The following FBLN5 variants were observed in gnomAD, a reference collection of about 807,000 sequenced individuals.
The protein encoded by FBLN5 is fibulin 5.
Under a neutral mutation model 61.6 loss-of-function variants are expected in FBLN5, and 24 were observed. The ratio of observed to expected loss-of-function variants is 0.39; its 90% confidence interval spans 0.28 to 0.55. The LOEUF is 0.55. Among genes scored for constraint, FBLN5 ranks in the 20% least tolerant of loss-of-function variants. The pLI, the probability that FBLN5 is intolerant of heterozygous loss-of-function variation, is 0.65. For missense variants in FBLN5, 470 were observed against 594.1 expected, an observed-to-expected ratio of 0.79 and a Z score of 2.17; for synonymous variants, 213 against 219.8, an observed-to-expected ratio of 0.97 and a Z score of 0.27.
At chr14:91,875,701 G>A (rs1889133042) in intron 10 of FBLN5, among the ~76,000 whole-genome samples, 1 of 152,124 alleles carries the variant, frequency 6.6e-6, no homozygotes, top group Non-Finnish European at 1.5e-5. Context: ...GAGGAGCCAG[G>A]GCCAGCACTA....
In FBLN5 at chr14:91,943,272, G is replaced by T. The variant is rs896868775; in HGVS notation, c.18-311C>A. 9.2e-5 allele frequency among the ~76,000 whole-genome samples: 14 copies of T among 152,098 alleles called. No individual in the cohort carries two copies. The highest frequency in any genetic ancestry group is 3.1e-4 in the African/African-American group (13 of 41,408). On this transcript the variant is annotated intron_variant, in intron 1 of 10. Transcript: ENST00000342058. This position sits in a 1 kb window ranked among gnomAD's most constrained non-coding sequence, Gnocchi z 4.0. The stretch of plus-strand genomic sequence containing the variant: ...GCTTGTAATCCCAGCACTTTGAGAG[G>T]CTGAGGCAAGAGGATTGCTTGAACC...
intron 10 of FBLN5, among the ~76,000 whole-genome samples, chr14:91,872,632 C>T (rs1888993564): frequency 6.6e-6 from 1 of 152,188 alleles, no homozygotes; most frequent in Non-Finnish European, 1.5e-5. Flanking sequence ...TGGGACCTCC[C>T]CTATCCATGA....
Position 91,937,148 on chromosome 14 carries a change from C to T in FBLN5, c.178G>A (p.Val60Ile). 1 of 1,614,136 alleles carries T rather than the reference C, an allele frequency of 6.2e-7. No individual in the cohort carries two copies. Among genetic ancestry groups the T allele is most frequent in the Non-Finnish European group, 8.5e-7 (1 of 1,180,038 alleles). Residue 60 changes from valine (V) to isoleucine (I), a missense_variant, in exon 4 of 11, where the codon GTT becomes ATT. By Grantham distance (29) the Val-to-Ile change is conservative. Coordinates refer to ENST00000342058, the MANE Select transcript of FBLN5 (RefSeq NM_006329.4). ...PEACRGDMMCVNQNGGYLCIP... is the reference protein window; with the variant it reads ...PEACRGDMMCINQNGGYLCIP... ...CATAAATACCCGCCATTTTGGTTAA[C>T]ACACATCATGTCTCCTCGGCAGGCC...
chr14:91,906,995 G>A lies in FBLN5; in HGVS notation c.380-11923C>T, dbSNP rs145016885. Among the ~76,000 whole-genome samples, 337 of 152,302 alleles carry A rather than the reference G, an allele frequency of 2.2e-3. 1 individual carries two copies. Among genetic ancestry groups the A allele is most frequent in the Middle Eastern group, 6.8e-3 (2 of 294 alleles). On this transcript the variant is annotated intron_variant, in intron 4 of 10. Transcript: ENST00000342058. ...ATGTCATGCTGGAGAGAAGAATGGG[G>A]GCACTCCCAGGTGAAACAGCCTTCC...
intron 7 of FBLN5, among the ~76,000 whole-genome samples, chr14:91,886,093 C>T (rs1889713401): frequency 6.6e-6 from 1 of 152,220 alleles, no homozygotes; most frequent in Non-Finnish European, 1.5e-5. Flanking sequence ...CCATTCATGA[C>T]CTGGGTCAGT....
intron 2 of FBLN5, among the ~76,000 whole-genome samples, chr14:91,942,625 A>G (rs950911685): frequency 3.9e-5 from 6 of 152,192 alleles, no homozygotes; most frequent in African/African-American, 1.4e-4. Context: ...CATCCTGCAC[A>G]TGTACCCTAG....
chr14:91,894,430 GA>G (rs1269278607), intron 5 of FBLN5, among the ~76,000 whole-genome samples: 19 of 50,120 alleles, frequency 3.8e-4, no homozygotes, highest in East Asian at 6.7e-4. Flanking sequence ...AAAAAAAACC[GA>G]AAAAAACCAT....
In FBLN5 at chr14:91,882,881, A is replaced by T. The variant is rs1376772769; in HGVS notation, c.862+73T>A. On this transcript the variant is annotated intron_variant, in intron 8 of 10. Transcript: ENST00000342058. The surrounding 1 kb of genome is among the most constrained non-coding windows in gnomAD (Gnocchi z 4.9). ...GCTGCACATGATTCCCCAGGTGAGG[A>T]TATCCAGATGAGCCCCTGAAGCAGC... 3.2e-6 allele frequency: 5 copies of T among 1,556,038 alleles called. No homozygotes were observed. Among genetic ancestry groups the T allele is most frequent in the Admixed American group, 1.7e-5 (1 of 58,260 alleles).
chr14:91,909,996 A>G (rs1301473315), intron 4 of FBLN5, among the ~76,000 whole-genome samples: 1 of 152,246 alleles, frequency 6.6e-6, no homozygotes, highest in African/African-American at 2.4e-5. Context: ...CAAAATTACC[A>G]CATGATCCAG....
intron 4 of FBLN5, among the ~76,000 whole-genome samples, chr14:91,917,837 G>C (rs2024334): frequency 0.024 from 3,615 of 152,252 alleles, 77 homozygotes; most frequent in Non-Finnish European, 0.039. Flanking sequence ...AGGTAAATGA[G>C]AAATTTGCTC....
At chr14:91,872,035 A>C (rs1403199311) in intron 10 of FBLN5, among the ~76,000 whole-genome samples, 3 of 152,136 alleles carry the variant, frequency 2.0e-5, no homozygotes, top group African/African-American at 7.2e-5. Context: ...GTGCACATTA[A>C]GTATTGAGAA....
chr14:91,946,573 A>G, intron 1 of FBLN5: 1 of 701,600 alleles, frequency 1.4e-6, no homozygotes, highest in Non-Finnish European at 2.5e-6. Context: ...ACACAAGGTT[A>G]ATTTGTTCAA....
Position 91,881,300 on chromosome 14 carries a change from G to A in FBLN5, c.981C>T (p.Ile327=), listed in dbSNP as rs2139957612. 1.2e-6 allele frequency: 2 copies of A among 1,614,138 alleles called. No homozygotes were observed. The highest frequency in any genetic ancestry group is 2.2e-5 in the South Asian group (2 of 91,086). The part of the protein sequence containing the change: ...PIRCEEPYLR[I]SDNRCMCPAE... ...GGGACGCCGTGACTTACTTATCACT[G>A]ATCCTCAGATAAGGCTCCTCACAGC... The change falls in exon 9 of 11, where the codon ATC becomes ATT. Residue 327 remains isoleucine (I), a synonymous_variant. Coordinates refer to ENST00000342058, the MANE Select transcript of FBLN5 (RefSeq NM_006329.4).
At chr14:91,877,776 C>T in intron 9 of FBLN5, 94 bp from the exon 10 acceptor site, 3 of 989,114 alleles carry the variant, frequency 3.0e-6, no homozygotes, top group South Asian at 2.6e-5. Flanking sequence ...AATGAGGCCA[C>T]CCCATTTTTA....
intron 4 of FBLN5, among the ~76,000 whole-genome samples, 182 bp from the exon 5 acceptor site, chr14:91,895,254 C>G (rs2139983436): frequency 6.6e-6 from 1 of 152,260 alleles, no homozygotes; most frequent in Middle Eastern, 3.4e-3. Context: ...CTACTGAAGG[C>G]TGAGCTAGTC....
intron 4 of FBLN5, among the ~76,000 whole-genome samples, chr14:91,913,794 G>A (rs1367999638): frequency 6.6e-6 from 1 of 152,128 alleles, no homozygotes; most frequent in East Asian, 1.9e-4. Context: ...TGATGACAAC[G>A]CAATTAAGTT....
intron 10 of FBLN5, among the ~76,000 whole-genome samples, chr14:91,875,916 C>T (rs12101269): frequency 0.056 from 8,486 of 152,232 alleles, 818 homozygotes; most frequent in African/African-American, 0.19. Context: ...AGGGAATTGA[C>T]GTGAGATGTA....
intron 10 of FBLN5, among the ~76,000 whole-genome samples, chr14:91,877,179 G>T (rs1889204871): frequency 6.6e-6 from 1 of 152,162 alleles, no homozygotes; most frequent in Non-Finnish European, 1.5e-5. Flanking sequence ...TGTCACATGG[G>T]TTGGTTGAAA....
At chr14:91,878,647 T>A (rs1455128777) in intron 9 of FBLN5, among the ~76,000 whole-genome samples, 3 of 152,246 alleles carry the variant, frequency 2.0e-5, no homozygotes, top group African/African-American at 7.2e-5. Context: ...TTCAATGCAC[T>A]CTTGCCTTCT....
Sources: gnomAD v4.1 joint callset for allele counts (sites outside exome capture counted in the v4.1 genomes callset) on GRCh38, gnomAD v4.1.1 for gene constraint, Gnocchi (gnomAD v3.1) non-coding constraint, MANE v1.5 for transcripts, NCBI Gene and HGNC (gene_info 2026-07-23, HGNC 2026-07-21) for gene names.